The following ATP6V1E2 variants were observed in gnomAD, a reference collection of about 807,000 sequenced individuals.
The protein encoded by ATP6V1E2 is V-type proton ATPase subunit E 2.
For synonymous variants in ATP6V1E2, 121 were observed against 104.2 expected, an observed-to-expected ratio of 1.16 and a Z score of -0.98; for missense variants, 308 against 273.3, an observed-to-expected ratio of 1.13 and a Z score of -0.90.
At chr2:46,520,750 T>C (rs1330885225) in intron 4 of ATP6V1E2, among the ~76,000 whole-genome samples, 1 of 152,244 alleles carries the variant, frequency 6.6e-6, no homozygotes, top group African/African-American at 2.4e-5. Flanking sequence ...TCTAGGAAAC[T>C]TCTTTGAAAA....
At chr2:46,519,650 A>C (rs1458116962) in intron 4 of ATP6V1E2, 3 of 152,260 alleles carry the variant, frequency 2.0e-5, no homozygotes, top group Admixed American at 6.5e-5. Flanking sequence ...TCATCTGTAT[A>C]ATAAAAATAA....
chr2:46,537,563 GAGA>G (rs1471111679), intron 2 of ATP6V1E2: 2 of 151,166 alleles, frequency 1.3e-5, no homozygotes, highest in East Asian at 3.9e-4. Context: ...TTGACTCATA[GAGA>G]AGAAGAAAAA....
intron 4 of ATP6V1E2, among the ~76,000 whole-genome samples, chr2:46,522,126 A>C (rs553533018): frequency 6.6e-6 from 1 of 151,842 alleles, no homozygotes; most frequent in East Asian, 1.9e-4. Context: ...CATCTCTACA[A>C]ATTTTTTTTT....
intron 4 of ATP6V1E2, among the ~76,000 whole-genome samples, chr2:46,528,772 A>C (rs1383842477): frequency 2.0e-5 from 3 of 152,270 alleles, no homozygotes; most frequent in African/African-American, 7.2e-5. Flanking sequence ...ACTTCTGTAA[A>C]ACCAGGATGT....
intron 2 of ATP6V1E2, among the ~76,000 whole-genome samples, chr2:46,539,572 C>T (rs926008788): frequency 4.6e-5 from 7 of 152,256 alleles, no homozygotes; most frequent in African/African-American, 1.7e-4. Flanking sequence ...CTGCCCAACC[C>T]ATGCCAGACC....
chr2:46,536,972 G>A (rs1385239542), intron 2 of ATP6V1E2, among the ~76,000 whole-genome samples: 1 of 151,970 alleles, frequency 6.6e-6, no homozygotes, highest in African/African-American at 2.4e-5. Flanking sequence ...TAGCGGAGAT[G>A]GGGTTTCACC....
intron 4 of ATP6V1E2, among the ~76,000 whole-genome samples, chr2:46,516,569 G>C (rs1315672375): frequency 6.6e-6 from 1 of 152,024 alleles, no homozygotes; most frequent in Non-Finnish European, 1.5e-5. Flanking sequence ...ACTCCAGTCT[G>C]GGCAACAGAA....
chr2:46,519,646 G>C (rs1393685998), intron 4 of ATP6V1E2: 1 of 152,204 alleles, frequency 6.6e-6, no homozygotes, highest in Non-Finnish European at 1.5e-5. Flanking sequence ...TTCTTCATCT[G>C]TATAATAAAA....
intron 4 of ATP6V1E2, among the ~76,000 whole-genome samples, chr2:46,523,147 G>A (rs2103871119): frequency 1.3e-5 from 2 of 152,148 alleles, no homozygotes; most frequent in South Asian, 2.1e-4. Context: ...CCTTTGTCAG[G>A]TGAGTAGATT....
In ATP6V1E2 at chr2:46,511,937, A is replaced by G. The variant is rs966236436; in HGVS notation, c.*94T>C. 1 of 1,131,296 alleles carries G rather than the reference A, an allele frequency of 8.8e-7. No individual in the cohort carries two copies. The highest frequency in any genetic ancestry group is 1.6e-5 in the African/African-American group (1 of 64,156). 70.1% of individuals were successfully genotyped at this position (1,131,296 alleles called of 1,614,324 possible). Reference sequence around the variant, plus strand: ...AAGAAAAACAGAACAGTATCAGAGCATCAAAGAGGAGGAAACACTACTAGT... The same window carrying G: ...AAGAAAAACAGAACAGTATCAGAGCGTCAAAGAGGAGGAAACACTACTAGT... On this transcript the variant is annotated 3_prime_UTR_variant, in exon 5 of 5. Transcript: ENST00000522587.
intron 4 of ATP6V1E2, among the ~76,000 whole-genome samples, chr2:46,522,177 C>A (rs1666668747): frequency 6.6e-6 from 1 of 150,852 alleles, no homozygotes; most frequent in Non-Finnish European, 1.5e-5. Context: ...GTGGTCCTAG[C>A]TACGTGGGAG....
chr2:46,513,280 G>A (rs1245453531), intron 4 of ATP6V1E2, among the ~76,000 whole-genome samples: 5 of 152,186 alleles, frequency 3.3e-5, no homozygotes, highest in Non-Finnish European at 7.4e-5. Flanking sequence ...AGAAAAAGGA[G>A]TACTACTAAG....
At chr2:46,517,182 C>T (rs184115428) in intron 4 of ATP6V1E2, among the ~76,000 whole-genome samples, 3 of 152,298 alleles carry the variant, frequency 2.0e-5, no homozygotes, top group Admixed American at 2.0e-4. Context: ...ATAAACCCCA[C>T]ATTTACAATC....
At chr2:46,541,569 TCA>T (rs1156777378) in intron 1 of ATP6V1E2, 116 bp from the exon 2 acceptor site, 17 of 152,378 alleles carry the variant, frequency 1.1e-4, no homozygotes, top group Middle Eastern at 3.4e-3. Context: ...TTTCTAGGTC[TCA>T]GTTTTCTTCC....
chr2:46,542,380 C>T lies in ATP6V1E2; in HGVS notation c.-537G>A, dbSNP rs1033372373. ...GTTCCCCGAGAGGCCTCCACGTCTT[C>T]TCCCAGCATCGGGGCCTTTGGACGC... On this transcript the variant is annotated 5_prime_UTR_variant, in exon 1 of 5. Coordinates refer to ENST00000522587, the MANE Select transcript of ATP6V1E2 (RefSeq NM_001318063.2). 2.6e-5 allele frequency: 4 copies of T among 151,654 alleles called. No homozygotes were observed. The allele number at this position is 151,654 out of a possible 1,614,324, so 9.4% of individuals were successfully genotyped here. A position where few individuals can be genotyped will look rare whatever the true frequency, so the allele number is the denominator to read the frequency against.
At chr2:46,524,804 G>T (rs1666811398) in intron 4 of ATP6V1E2, among the ~76,000 whole-genome samples, 1 of 152,226 alleles carries the variant, frequency 6.6e-6, no homozygotes, top group Non-Finnish European at 1.5e-5. Flanking sequence ...GAGAGCAGGT[G>T]GGTTTGGCAG....
intron 4 of ATP6V1E2, among the ~76,000 whole-genome samples, chr2:46,521,981 C>T (rs530184751): frequency 2.6e-4 from 40 of 152,250 alleles, no homozygotes; most frequent in African/African-American, 9.1e-4. Flanking sequence ...TGAGCCACTG[C>T]GCCAGGCCCT....
At chr2:46,529,661 C>T (rs575319675) in intron 4 of ATP6V1E2, among the ~76,000 whole-genome samples, 4 of 152,034 alleles carry the variant, frequency 2.6e-5, no homozygotes, top group South Asian at 4.2e-4. Flanking sequence ...GAAGCTGAGG[C>T]GGGAGGATCA....
At chr2:46,538,128 C>T (rs188731360) in intron 2 of ATP6V1E2, among the ~76,000 whole-genome samples, 2 of 152,306 alleles carry the variant, frequency 1.3e-5, no homozygotes, top group Admixed American at 6.5e-5. Context: ...AACCCACTGC[C>T]TCCTCTTCAT....
Sources: gnomAD v4.1 joint callset for allele counts (sites outside exome capture counted in the v4.1 genomes callset) on GRCh38, gnomAD v4.1.1 for gene constraint, MANE v1.5 for transcripts, NCBI Gene and HGNC (gene_info 2026-07-23, HGNC 2026-07-21) for gene names.